Variants in IL1RAPL1 observed in about 807,000 individuals in gnomAD.
The protein encoded by IL1RAPL1 is interleukin-1 receptor accessory protein-like 1.
A neutral mutation model predicts 48.4 loss-of-function variants in IL1RAPL1; 3 were observed. The ratio of observed to expected loss-of-function variants is 0.06; its 90% CI spans 0.03 to 0.16. The LOEUF (loss-of-function observed/expected upper bound fraction) is 0.16, where lower values mean the gene tolerates loss of function less well. Among genes scored for constraint, IL1RAPL1 ranks in the 10% least tolerant of loss-of-function variants. The probability of loss-of-function intolerance (pLI) is 1.00; values close to 1 mark genes in which losing one functional copy is unlikely to be tolerated. For synonymous variants in IL1RAPL1, 185 were observed against 187.7 expected (o/e 0.99, Z 0.12); for missense variants, 349 against 530.6 (o/e 0.66, Z 3.36).
At chrX:28,736,284 A>C (rs752074090) in intron 1 of IL1RAPL1, among the ~76,000 whole-genome samples, 56 of 110,403 alleles carry the variant, frequency 5.1e-4, no homozygotes, top group African/African-American at 1.7e-3. Flanking sequence ...AATACAAAAA[A>C]TAAGCCAGGC....
At chrX:29,015,579 C>G (rs776403535) in intron 2 of IL1RAPL1, among the ~76,000 whole-genome samples, 2 of 110,910 alleles carry the variant, frequency 1.8e-5, no homozygotes, top group South Asian at 7.6e-4. Flanking sequence ...TACCAAAAAC[C>G]TTAGTGTCTA....
intron 3 of IL1RAPL1, among the ~76,000 whole-genome samples, chrX:29,295,787 G>A (rs187560167): frequency 1.8e-4 from 20 of 111,419 alleles, no homozygotes; most frequent in African/African-American, 5.9e-4. Flanking sequence ...GCTCGAAGGT[G>A]TAGACTGAAA....
At chrX:29,028,682 A>T (rs778748101) in intron 2 of IL1RAPL1, among the ~76,000 whole-genome samples, 5 of 111,195 alleles carry the variant, frequency 4.5e-5, no homozygotes, top group Non-Finnish European at 9.4e-5. Context: ...TTTTTCACTT[A>T]ACACAATAAC....
intron 6 of IL1RAPL1, among the ~76,000 whole-genome samples, chrX:29,852,615 G>A (rs1005784723): frequency 8.9e-6 from 1 of 112,194 alleles, no homozygotes; most frequent in Non-Finnish European, 1.9e-5. Flanking sequence ...ACAGAATCCA[G>A]TAAAGAGATT....
chrX:28,773,726 T>C (rs1936332177), intron 1 of IL1RAPL1, among the ~76,000 whole-genome samples: 1 of 111,821 alleles, frequency 8.9e-6, no homozygotes, highest in African/African-American at 3.3e-5. Context: ...CCAATTTATC[T>C]CTCAATATAA....
At chrX:28,809,816 A>C (rs1328698464) in intron 2 of IL1RAPL1, among the ~76,000 whole-genome samples, 1 of 108,767 alleles carries the variant, frequency 9.2e-6, no homozygotes, top group Non-Finnish European at 1.9e-5. Flanking sequence ...GTGGAGTAAG[A>C]AGCTATTTAA....
At chrX:29,918,454 G>A (rs1419038305) in intron 7 of IL1RAPL1, among the ~76,000 whole-genome samples, 2 of 95,106 alleles carry the variant, frequency 2.1e-5, no homozygotes, top group Admixed American at 1.2e-4. Flanking sequence ...GCAGTGAGCC[G>A]AGATCGCACC....
intron 5 of IL1RAPL1, among the ~76,000 whole-genome samples, chrX:29,603,450 C>T (rs1923790751): frequency 9.0e-6 from 1 of 111,491 alleles, no homozygotes; most frequent in Non-Finnish European, 1.9e-5. Flanking sequence ...CTTAGGAAAC[C>T]ATCACAGGCA....
chrX:29,357,582 T>C (rs1050136741), intron 3 of IL1RAPL1, among the ~76,000 whole-genome samples: 1 of 112,166 alleles, frequency 8.9e-6, no homozygotes, highest in African/African-American at 3.2e-5. Context: ...GAAATGTAAA[T>C]TACAACACTT....
At chrX:28,939,229 A>G (rs1233096786) in intron 2 of IL1RAPL1, among the ~76,000 whole-genome samples, 2 of 111,057 alleles carry the variant, frequency 1.8e-5, no homozygotes, top group Non-Finnish European at 3.8e-5. Context: ...AGACACATGC[A>G]TGCATATGTT....
intron 2 of IL1RAPL1, among the ~76,000 whole-genome samples, chrX:29,127,882 C>G (rs141305485): frequency 3.7e-5 from 4 of 108,632 alleles, no homozygotes; most frequent in Non-Finnish European, 5.7e-5. Context: ...GAGAATTGCT[C>G]GAACCCGGGA....
At chrX:29,358,441 A>G (rs910222638) in intron 3 of IL1RAPL1, among the ~76,000 whole-genome samples, 3 of 109,701 alleles carry the variant, frequency 2.7e-5, no homozygotes, top group Admixed American at 9.9e-5. Context: ...ACAAATTCAC[A>G]TAAAGAATTG....
intron 6 of IL1RAPL1, among the ~76,000 whole-genome samples, chrX:29,771,714 C>T (rs1332347007): frequency 8.9e-6 from 1 of 111,746 alleles, no homozygotes; most frequent in Non-Finnish European, 1.9e-5. Flanking sequence ...TTTCCCCATC[C>T]TTGAAATCTC....
intron 1 of IL1RAPL1, among the ~76,000 whole-genome samples, chrX:28,728,160 A>T (rs751045363): frequency 8.9e-6 from 1 of 111,815 alleles, no homozygotes; most frequent in Non-Finnish European, 1.9e-5. Flanking sequence ...TATCAGAATT[A>T]TATTTTCATA....
intron 1 of IL1RAPL1, among the ~76,000 whole-genome samples, chrX:28,711,599 T>C (rs897088984): frequency 1.8e-5 from 2 of 110,051 alleles, no homozygotes; most frequent in Admixed American, 2.0e-4. Flanking sequence ...TGGAACCCTC[T>C]AACACTATGG....
At chrX:29,724,825 G>A (rs185007302) in intron 6 of IL1RAPL1, among the ~76,000 whole-genome samples, 7 of 111,946 alleles carry the variant, frequency 6.3e-5, no homozygotes, top group Admixed American at 9.5e-5. Context: ...CTATCCTGAC[G>A]CCTTATATAT....
intron 2 of IL1RAPL1, among the ~76,000 whole-genome samples, chrX:28,948,400 C>A (rs777829531): frequency 4.5e-5 from 5 of 110,481 alleles, no homozygotes; most frequent in African/African-American, 1.6e-4. Context: ...CATTCACTGT[C>A]CCTGATCTGA....
chrX:29,585,751 A>G (rs1320355906), intron 5 of IL1RAPL1, among the ~76,000 whole-genome samples: 1 of 111,575 alleles, frequency 9.0e-6, no homozygotes, highest in Non-Finnish European at 1.9e-5. Context: ...TTTGATATGC[A>G]TTTTCCTGAT....
chrX:28,622,664 A>G (rs1020089191), intron 1 of IL1RAPL1, among the ~76,000 whole-genome samples: 1 of 111,982 alleles, frequency 8.9e-6, no homozygotes, highest in Non-Finnish European at 1.9e-5. Flanking sequence ...CTTGGGGTAT[A>G]AAATGCTATT....
Sources: allele counts gnomAD v4.1 joint callset (sites outside exome capture counted in the v4.1 genomes callset), GRCh38; gene constraint gnomAD v4.1.1; transcripts MANE v1.5; gene names NCBI Gene and HGNC (gene_info 2026-07-23, HGNC 2026-07-21).